The following PLXNC1 variants were observed in gnomAD, a reference collection of about 807,000 sequenced individuals.
PLXNC1 encodes plexin-C1.
Under a neutral mutation model 178.2 loss-of-function variants are expected in PLXNC1, and 75 were observed. The ratio of observed to expected loss-of-function variants is 0.42; its 90% CI spans 0.35 to 0.51. The LOEUF is 0.51. Among genes scored for constraint, PLXNC1 ranks in the 20% least tolerant of loss-of-function variants. The pLI, the probability that PLXNC1 is intolerant of heterozygous loss-of-function variation, is 0.02. For synonymous variants in PLXNC1, 790 were observed against 779.9 expected (o/e 1.01, Z -0.22); for missense variants, 1,503 against 1,984.4 (o/e 0.76, Z 4.61).
chr12:94,227,061 C>A, intron 8 of PLXNC1, 88 bp from the exon 9 acceptor site: 2 of 876,814 alleles, frequency 2.3e-6, no homozygotes, highest in Non-Finnish European at 3.8e-6. Flanking sequence ...ATGTTTGTGA[C>A]TGCCTGGTCC....
intron 4 of PLXNC1, among the ~76,000 whole-genome samples, chr12:94,207,654 T>G (rs1297307394): frequency 5.9e-5 from 9 of 152,230 alleles, no homozygotes; most frequent in Non-Finnish European, 8.8e-5. Context: ...AGAACTGAGA[T>G]AGACTTATGA....
intron 23 of PLXNC1, among the ~76,000 whole-genome samples, chr12:94,284,266 A>C (rs1427024163): frequency 6.6e-6 from 1 of 152,132 alleles, no homozygotes; most frequent in African/African-American, 2.4e-5. Flanking sequence ...AGTCCTATGA[A>C]GGCAATCTAG....
At chr12:94,297,707 G>A (rs879485964) in intron 26 of PLXNC1, among the ~76,000 whole-genome samples, 8 of 151,966 alleles carry the variant, frequency 5.3e-5, no homozygotes, top group Non-Finnish European at 8.8e-5. Context: ...TATTTTTTAG[G>A]TTGACAGCAT....
chr12:94,263,079 A>C (rs1197340682), intron 20 of PLXNC1, among the ~76,000 whole-genome samples: 1 of 152,018 alleles, frequency 6.6e-6, no homozygotes, highest in African/African-American at 2.4e-5. Flanking sequence ...CCCCTGGGGG[A>C]GGGGAATCAC....
intron 23 of PLXNC1, among the ~76,000 whole-genome samples, chr12:94,286,082 C>T (rs1966829329): frequency 6.6e-6 from 1 of 152,220 alleles, no homozygotes; most frequent in Admixed American, 6.5e-5. Flanking sequence ...GTCTTCACTG[C>T]AGACATCGGC....
intron 27 of PLXNC1, among the ~76,000 whole-genome samples, chr12:94,299,987 A>AG (rs1333933110): frequency 6.6e-6 from 1 of 152,202 alleles, no homozygotes; most frequent in Non-Finnish European, 1.5e-5. Context: ...AGCTGTTGGG[A>AG]GACCTAGCAG....
At chr12:94,157,779 C>T (rs950788295) in intron 1 of PLXNC1, among the ~76,000 whole-genome samples, 9 of 152,170 alleles carry the variant, frequency 5.9e-5, no homozygotes, top group Admixed American at 1.3e-4. Context: ...TCAATATTTT[C>T]GGCTTTGCAG....
chr12:94,202,034 C>T (rs1434336077), intron 4 of PLXNC1, among the ~76,000 whole-genome samples: 1 of 152,052 alleles, frequency 6.6e-6, no homozygotes, highest in Non-Finnish European at 1.5e-5. Flanking sequence ...GCTGGGATTA[C>T]AGGCATAAGC....
At chr12:94,174,663 C>T (rs989030461) in intron 2 of PLXNC1, among the ~76,000 whole-genome samples, 1 of 152,156 alleles carries the variant, frequency 6.6e-6, no homozygotes, top group African/African-American at 2.4e-5. Context: ...GTACTATATA[C>T]CCAGAAGATG....
At chr12:94,174,756 C>T (rs1357188049) in intron 2 of PLXNC1, among the ~76,000 whole-genome samples, 1 of 152,122 alleles carries the variant, frequency 6.6e-6, no homozygotes, top group African/African-American at 2.4e-5. Context: ...GATGACTGAG[C>T]TAACAGACCA....
intron 4 of PLXNC1, among the ~76,000 whole-genome samples, chr12:94,204,169 G>A (rs1241006332): frequency 1.3e-5 from 2 of 152,184 alleles, no homozygotes; most frequent in Non-Finnish European, 2.9e-5. Context: ...AGACAGATGG[G>A]CTCAGTCACT....
At chr12:94,173,564 A>G (rs896675013) in intron 2 of PLXNC1, among the ~76,000 whole-genome samples, 2 of 152,140 alleles carry the variant, frequency 1.3e-5, no homozygotes, top group African/African-American at 2.4e-5. Context: ...TACTCTCACC[A>G]TCCCCACTTT....
chr12:94,188,111 G>T (rs983327677), intron 4 of PLXNC1, among the ~76,000 whole-genome samples: 4 of 151,950 alleles, frequency 2.6e-5, no homozygotes, highest in Non-Finnish European at 1.5e-5. Flanking sequence ...AGCAGGAGAA[G>T]AAAAGAATGG....
intron 1 of PLXNC1, among the ~76,000 whole-genome samples, chr12:94,155,412 C>T (rs931111721): frequency 2.6e-5 from 4 of 152,130 alleles, no homozygotes; most frequent in Admixed American, 1.3e-4. Context: ...AAGCTCTCAA[C>T]GTGATTTGAA....
At chr12:94,175,500 C>T (rs1358231596) in intron 2 of PLXNC1, among the ~76,000 whole-genome samples, 1 of 152,146 alleles carries the variant, frequency 6.6e-6, no homozygotes, top group African/African-American at 2.4e-5. Context: ...GTTGAAATCT[C>T]CACTCAGTTA....
Position 94,307,460 on chromosome 12 carries a change from T to G in PLXNC1, c.*2175T>G, listed in dbSNP as rs1169881758. ...AGCAACAAATGGCAAACAATTTCTA[T>G]TTTCAAGTTTCTTTGCATATTTTTT... On this transcript the variant is annotated 3_prime_UTR_variant, in exon 31 of 31. Coordinates refer to ENST00000258526, the MANE Select transcript of PLXNC1 (RefSeq NM_005761.3). 2 of 152,222 alleles carry G rather than the reference T, an allele frequency of 1.3e-5. No individual in the cohort carries two copies. Among genetic ancestry groups the G allele is most frequent in the African/African-American group, 4.8e-5 (2 of 41,464 alleles). 9.4% of individuals were successfully genotyped at this position (152,222 alleles called of 1,614,324 possible). A position where few individuals can be genotyped will look rare whatever the true frequency, so the allele number is the denominator to read the frequency against.
intron 30 of PLXNC1, 94 bp downstream of exon 30, chr12:94,304,145 C>T (rs1968767195): frequency 1.2e-5 from 10 of 804,898 alleles, no homozygotes; most frequent in Non-Finnish European, 1.8e-5. Context: ...TCTGGCATCC[C>T]AAAAGGCCAG....
At chr12:94,273,615 G>T (rs761086102) in intron 21 of PLXNC1, among the ~76,000 whole-genome samples, 12 of 152,104 alleles carry the variant, frequency 7.9e-5, no homozygotes, top group Non-Finnish European at 1.6e-4. Flanking sequence ...CATTCTACCT[G>T]GCATTAGAAT....
intron 22 of PLXNC1, among the ~76,000 whole-genome samples, chr12:94,280,610 G>A (rs1428893980): frequency 1.3e-5 from 2 of 152,154 alleles, no homozygotes; most frequent in East Asian, 3.9e-4. Context: ...TTGGGTGACC[G>A]TTGAGTCACT....
Sources: allele counts gnomAD v4.1 joint callset (sites outside exome capture counted in the v4.1 genomes callset), GRCh38; gene constraint gnomAD v4.1.1; transcripts MANE v1.5; gene names NCBI Gene and HGNC (gene_info 2026-07-23, HGNC 2026-07-21).